Variants in ETS1 observed in about 807,000 individuals in gnomAD.
The protein encoded by ETS1 is protein C-ets-1.
Under a neutral mutation model 58.6 loss-of-function variants are expected in ETS1, and 15 were observed. The ratio of observed to expected loss-of-function variants is 0.26; its 90% CI spans 0.17 to 0.39. ETS1 has a LOEUF of 0.39. Ranked by LOEUF, ETS1 falls within the 10% of genes least tolerant of loss-of-function variation. ETS1 has a pLI of 1.00. For missense variants in ETS1, 417 were observed against 610.5 expected, an observed-to-expected ratio of 0.68 and a Z score of 3.34; for synonymous variants, 214 against 218.2, an observed-to-expected ratio of 0.98 and a Z score of 0.17.
At chr11:128,581,980 G>A (rs1864879591) in intron 1 of ETS1, among the ~76,000 whole-genome samples, 1 of 152,160 alleles carries the variant, frequency 6.6e-6, no homozygotes, top group Non-Finnish European at 1.5e-5. Flanking sequence ...CAACTTCTTG[G>A]ACTATGTCTG....
chr11:128,550,723 C>A (rs1432726279), intron 3 of ETS1, among the ~76,000 whole-genome samples: 3 of 152,194 alleles, frequency 2.0e-5, no homozygotes, highest in Non-Finnish European at 4.4e-5. Context: ...CCAAACAGCA[C>A]AGCCATCCAG....
intron 8 of ETS1, among the ~76,000 whole-genome samples, chr11:128,470,347 G>A (rs11606475): frequency 0.4 from 60,824 of 152,016 alleles, 12,646 homozygotes; most frequent in East Asian, 0.56. Context: ...GGAAAGCCCC[G>A]GGTAGGGAGT....
chr11:128,556,836 TACA>T (rs1343202543), intron 2 of ETS1, among the ~76,000 whole-genome samples: 1 of 152,100 alleles, frequency 6.6e-6, no homozygotes, highest in African/African-American at 2.4e-5. Flanking sequence ...TCCACAATCA[TACA>T]ACAAGTAAAT....
chr11:128,579,255 C>A (rs1346845389), intron 1 of ETS1, among the ~76,000 whole-genome samples: 2 of 152,152 alleles, frequency 1.3e-5, no homozygotes, highest in Non-Finnish European at 1.5e-5. Flanking sequence ...GAAAACAATG[C>A]AAAATTTGAA....
intron 2 of ETS1, among the ~76,000 whole-genome samples, chr11:128,565,049 T>TAAATAAATAAATAAAC (rs1372724682): frequency 6.7e-6 from 1 of 150,360 alleles, no homozygotes; most frequent in Non-Finnish European, 1.5e-5. Context: ...AATAAATAAA[T>TAAATAAATAAATAAAC]AAATAAATAA....
chr11:128,533,604 T>C (rs542558032), intron 3 of ETS1, among the ~76,000 whole-genome samples: 1 of 152,292 alleles, frequency 6.6e-6, no homozygotes, highest in Admixed American at 6.5e-5. Flanking sequence ...TTTTACAGGC[T>C]TTTTTCCCTT....
intron 3 of ETS1, among the ~76,000 whole-genome samples, chr11:128,555,132 T>G (rs1391235495): frequency 6.6e-6 from 1 of 152,220 alleles, no homozygotes. Flanking sequence ...CACAGGAATC[T>G]ATTTCATTCT....
intron 3 of ETS1, among the ~76,000 whole-genome samples, chr11:128,511,508 T>C (rs1172070818): frequency 2.6e-5 from 4 of 152,150 alleles, no homozygotes; most frequent in East Asian, 3.8e-4. Flanking sequence ...GCCTATATCA[T>C]AGTGATCTGT....
At chr11:128,535,057 A>G (rs1467904515) in intron 3 of ETS1, among the ~76,000 whole-genome samples, 1 of 152,168 alleles carries the variant, frequency 6.6e-6, no homozygotes, top group Non-Finnish European at 1.5e-5. Context: ...GTGTGAAAGC[A>G]TTCCTATTTC....
At chr11:128,585,012 G>A (rs1458866039) in intron 1 of ETS1, among the ~76,000 whole-genome samples, 14 of 11,574 alleles carry the variant, frequency 1.2e-3, no homozygotes, top group East Asian at 3.6e-3. Context: ...GGAAAGAAAG[G>A]AAAGAAAGAA....
chr11:128,536,151 T>C (rs549653537), intron 3 of ETS1, among the ~76,000 whole-genome samples: 7 of 152,104 alleles, frequency 4.6e-5, no homozygotes, highest in Admixed American at 6.6e-5. Context: ...AATAGGATAA[T>C]AAGTAAAGAC....
At chr11:128,585,306 AG>A (rs1305778551) in intron 1 of ETS1, among the ~76,000 whole-genome samples, 2 of 129,816 alleles carry the variant, frequency 1.5e-5, no homozygotes, top group Admixed American at 7.9e-5. Flanking sequence ...AAGGGAGGGA[AG>A]GGAGGGAAGA....
At chr11:128,513,287 T>TA (rs1276571129) in intron 3 of ETS1, among the ~76,000 whole-genome samples, 1 of 152,220 alleles carries the variant, frequency 6.6e-6, no homozygotes, top group Non-Finnish European at 1.5e-5. Flanking sequence ...AAATGTTACC[T>TA]AAAGTCATAA....
At chr11:128,489,680 C>T (rs959603266) in intron 4 of ETS1, among the ~76,000 whole-genome samples, 190 bp from the exon 5 acceptor site, 23 of 152,164 alleles carry the variant, frequency 1.5e-4, no homozygotes, top group East Asian at 1.9e-4. Context: ...TCAACATCTC[C>T]GCCTTCTCTA....
chr11:128,480,076 G>A, intron 8 of ETS1, 115 bp downstream of exon 8: 1 of 1,364,594 alleles, frequency 7.3e-7, no homozygotes, highest in Non-Finnish European at 9.9e-7. Context: ...TCTCCCCCGT[G>A]CCCTGCAAAA....
intron 3 of ETS1, among the ~76,000 whole-genome samples, chr11:128,533,508 C>G (rs1216922731): frequency 6.6e-6 from 1 of 152,202 alleles, no homozygotes; most frequent in Non-Finnish European, 1.5e-5. Context: ...CTCACCTTCT[C>G]CCCCACATAG....
chr11:128,462,029 G>A lies in ETS1; in HGVS notation c.*332C>T, dbSNP rs1457079226. 1.2e-5 allele frequency: 3 copies of A among 243,042 alleles called. No homozygotes were observed. The East Asian group carries it at 2.4e-4, about 19-fold the overall frequency. 15.1% of individuals were successfully genotyped at this position (243,042 alleles called of 1,614,324 possible). Reference sequence around the variant, plus strand: ...ACTTGCTAATGGGTCCACAACTCAAGACACTTTTTCATGGATGATTTTTAA... The same window carrying A: ...ACTTGCTAATGGGTCCACAACTCAAAACACTTTTTCATGGATGATTTTTAA... On this transcript the variant is annotated 3_prime_UTR_variant, in exon 10 of 10. Coordinates refer to ENST00000392668, the MANE Select transcript of ETS1 (RefSeq NM_001143820.2).
In ETS1 at chr11:128,569,312, T is replaced by TTTC. The variant is rs1184671858; in HGVS notation, c.69+3747_69+3749dup. 2.6e-3 allele frequency among the ~76,000 whole-genome samples: 339 copies of TTTC among 132,030 alleles called. 8 individuals carry two copies. The highest frequency in any genetic ancestry group is 4.5e-3 in the Non-Finnish European group (283 of 62,420). The allele number at this position is 132,030 out of a possible 152,430, so 86.6% of individuals were successfully genotyped here. The stretch of plus-strand genomic sequence containing the variant: ...TGAATTTACCATACATGGGACAGAG[T>TTTC]TTCTTCTTTTTTTTTTTTTTTTTTT... On this transcript the variant is annotated intron_variant, in intron 2 of 9. Transcript: ENST00000392668.
At chr11:128,528,980 G>A (rs922423504) in intron 3 of ETS1, 4 of 152,230 alleles carry the variant, frequency 2.6e-5, no homozygotes, top group African/African-American at 7.2e-5. Flanking sequence ...CAGCCTGGAC[G>A]TTTTATACAT....
Sources: gnomAD v4.1 joint callset for allele counts (sites outside exome capture counted in the v4.1 genomes callset) on GRCh38, gnomAD v4.1.1 for gene constraint, MANE v1.5 for transcripts, NCBI Gene and HGNC (gene_info 2026-07-23, HGNC 2026-07-21) for gene names.